The following KIN variants were observed in gnomAD, a reference collection of about 807,000 sequenced individuals.
KIN encodes Kin17 DNA and RNA binding protein.
In KIN, 47 loss-of-function variants were observed where a neutral mutation model predicts 63.0. The ratio of observed to expected loss-of-function variants is 0.75; its 90% CI spans 0.59 to 0.95. The LOEUF (loss-of-function observed/expected upper bound fraction) is 0.95, where lower values mean the gene tolerates loss of function less well. Ranked by LOEUF, KIN falls within the 40% of genes least tolerant of loss-of-function variation. The pLI is 0.00. For missense variants in KIN, 408 were observed against 460.9 expected, an observed-to-expected ratio of 0.89 and a Z score of 1.05; for synonymous variants, 160 against 157.7, an observed-to-expected ratio of 1.01 and a Z score of -0.11.
intron 6 of KIN, among the ~76,000 whole-genome samples, chr10:7,775,382 T>C (rs563498488): frequency 6.6e-6 from 1 of 152,294 alleles, no homozygotes; most frequent in African/African-American, 2.4e-5. Context: ...TTAACAAGAT[T>C]CTAGAAGAGC....
Position 7,780,177 on chromosome 10 carries a change from GC to G in KIN, c.254del (p.Gly85AlafsTer23). The G allele has an allele frequency of 2.5e-6, 4 of 1,613,054 alleles. No individual in the cohort carries two copies. The highest frequency in any genetic ancestry group is 3.4e-6 in the Non-Finnish European group (4 of 1,179,480). ...CAATGTTGTTGTGGACCCTTTTAGT[GC>G]CTGAGAACAAAATATGACACTGATG... is the stretch of plus-strand genomic sequence containing the variant. Reference protein sequence around the residue: ...DFLELLRRRFGTKRVHNNIVY... With the variant: ...DFLELLRRRFXTKRVHNNIVY... On this transcript the variant is annotated frameshift_variant and splice_region_variant, in exon 4 of 13. Transcript: ENST00000379562. LOFTEE classifies it high-confidence loss of function.
chr10:7,773,341 C>T (rs968056885), intron 7 of KIN, among the ~76,000 whole-genome samples: 9 of 152,148 alleles, frequency 5.9e-5, no homozygotes, highest in African/African-American at 1.9e-4. Context: ...CAAGGGAGGT[C>T]AATTGGGGAA....
chr10:7,763,345 C>G (rs10508334), intron 10 of KIN, among the ~76,000 whole-genome samples: 6,405 of 152,248 alleles, frequency 0.042, 280 homozygotes, highest in East Asian at 0.24. Flanking sequence ...AGACCTCTGA[C>G]AGTATAATTG....
In KIN at chr10:7,767,064, CAACA is replaced by C. The variant is rs1269137592; in HGVS notation, c.799-965_799-962del. Among the ~76,000 whole-genome samples, 12 of 151,026 alleles carry C rather than the reference CAACA, an allele frequency of 7.9e-5. No individual in the cohort carries two copies. The East Asian group carries it at 1.4e-3, about 17-fold the overall frequency. On this transcript the variant is annotated intron_variant, in intron 8 of 12. Coordinates refer to ENST00000379562, the MANE Select transcript of KIN (RefSeq NM_012311.4). ...CCTCATTTTAAATCCTTCACCTTTT[CAACA>C]AACAGTGTTCTAAAATTAGTATGCA...
Position 7,753,330 on chromosome 10 carries a change from T to C in KIN, c.*2750A>G, listed in dbSNP as rs1417668542. 1 of 152,214 alleles carries C rather than the reference T, an allele frequency of 6.6e-6. No homozygotes were observed. The highest frequency in any genetic ancestry group is 1.5e-5 in the Non-Finnish European group (1 of 68,038). 9.4% of individuals were successfully genotyped at this position (152,214 alleles called of 1,614,324 possible). ...GTGGGAGGCAGACATGAAACATTTT[T>C]TCTCTGAAGAAAACCACCAAGTTGA... On this transcript the variant is annotated 3_prime_UTR_variant, in exon 13 of 13. Transcript: ENST00000379562.
In KIN at chr10:7,768,845, C is replaced by T. The variant is rs148831695; in HGVS notation, c.798+371G>A. On this transcript the variant is annotated intron_variant, in intron 8 of 12. Transcript: ENST00000379562. ...CAGCCTGGCAAACATGGTGAAACCCCATCTCTACTAAAAATACAAAAATTA... is the reference window on the plus strand; with the variant it reads ...CAGCCTGGCAAACATGGTGAAACCCTATCTCTACTAAAAATACAAAAATTA... Among the ~76,000 whole-genome samples, 368 of 151,886 alleles carry T rather than the reference C, an allele frequency of 2.4e-3. 3 individuals are homozygous for T. The highest frequency in any genetic ancestry group is 8.5e-3 in the African/African-American group (351 of 41,424).
At position 7,775,784 on chromosome 10, in the gene KIN, T is replaced by C; in HGVS notation, c.574A>G (p.Thr192Ala). Residue 192 changes from threonine to alanine, a missense_variant, in exon 6 of 13, where the codon ACG (threonine) becomes GCG (alanine). Transcript: ENST00000379562. The part of the protein sequence containing the change: ...EGKEQEVPTF[T>A]ELSRENDEEK... The stretch of plus-strand genomic sequence containing the variant: ...TCATCATTTTCTCTGCTTAATTCCG[T>C]AAAAGTAGGGACCTCCTAAAAAAAA... 6.4e-7 allele frequency: 1 copy of C among 1,553,900 alleles called. No individual in the cohort carries two copies. The highest frequency in any genetic ancestry group is 8.7e-7 in the Non-Finnish European group (1 of 1,144,606).
At chr10:7,772,642 G>A (rs1288410005) in intron 7 of KIN, among the ~76,000 whole-genome samples, 1 of 152,094 alleles carries the variant, frequency 6.6e-6, no homozygotes, top group East Asian at 1.9e-4. Context: ...CATAATTTCA[G>A]AGAAAAAACA....
chr10:7,769,342 A>G lies in KIN; in HGVS notation c.672T>C (p.Thr224=), dbSNP rs751642694. The G allele has an allele frequency of 1.1e-5, 18 of 1,611,256 alleles. No individual in the cohort carries two copies. Among genetic ancestry groups the G allele is most frequent in the Non-Finnish European group, 1.5e-5 (18 of 1,179,228 alleles). ...TCGTCTTCAGTGCACTCGGTCCCAG[A>G]GTACTGATGAACAGGAGAACCATGC... ...SSGATSSKSS[T]LGPSALKTIG... The change falls in exon 8 of 13, where the codon ACT becomes ACC. Residue 224 remains threonine (T), a synonymous_variant. Coordinates refer to ENST00000379562, the MANE Select transcript of KIN (RefSeq NM_012311.4).
rs1836060773 is a variant in KIN, at chr10:7,787,831, A to T, written c.103T>A (p.Cys35Ser). 1 of 1,613,288 alleles carries T rather than the reference A, an allele frequency of 6.2e-7. No homozygotes were observed. The highest frequency in any genetic ancestry group is 1.3e-5 in the African/African-American group (1 of 74,910). The change falls in exon 1 of 13, where the codon TGC (cysteine) becomes AGC (serine). Residue 35 changes from cysteine (C) to serine (S), a missense_variant. Around this residue, in one of 2 missense-constraint regions of KIN, gnomAD observed 110 missense variants for 164.9 expected, o/e 0.67. Coordinates refer to ENST00000379562, the MANE Select transcript of KIN (RefSeq NM_012311.4). The stretch of plus-strand genomic sequence containing the variant: ...CCGGGCCCACTCACCTCGTCCCGGC[A>T]CTGCTTCTGGCACATCTGGCAATAC... Reference protein sequence around the residue: ...RWYCQMCQKQCRDENGFKCHC... With the variant: ...RWYCQMCQKQSRDENGFKCHC...
chr10:7,785,113 G>T (rs1835972980), intron 1 of KIN, among the ~76,000 whole-genome samples: 1 of 151,940 alleles, frequency 6.6e-6, no homozygotes, highest in African/African-American at 2.4e-5. Flanking sequence ...ATTAGGCATG[G>T]TGGCAATCAC....
intron 2 of KIN, among the ~76,000 whole-genome samples, chr10:7,781,709 G>C (rs925680022): frequency 8.2e-5 from 11 of 134,738 alleles, no homozygotes; most frequent in Non-Finnish European, 1.5e-4. Context: ...GGAGGTCAAG[G>C]TTGTAGTAAG....
At position 7,754,095 on chromosome 10, in the gene KIN, C is replaced by T. The variant is rs890720768; in HGVS notation, c.*1985G>A. 11 of 455,728 alleles carry T rather than the reference C, an allele frequency of 2.4e-5. No individual in the cohort carries two copies. Among genetic ancestry groups the T allele is most frequent in the African/African-American group, 6.0e-5 (3 of 50,006 alleles). The allele number at this position is 455,728 out of a possible 1,614,324, so 28.2% of individuals were successfully genotyped here. A position where few individuals can be genotyped will look rare whatever the true frequency, so the allele number is the denominator to read the frequency against. ...CTGTAATCACAACATTTTAGAAGGC[C>T]GAGGCAGGAGGATTGCTTGAGCTCA... is the stretch of plus-strand genomic sequence containing the variant. On this transcript the variant is annotated 3_prime_UTR_variant, in exon 13 of 13. Coordinates refer to ENST00000379562, the MANE Select transcript of KIN (RefSeq NM_012311.4).
intron 5 of KIN, among the ~76,000 whole-genome samples, chr10:7,776,733 A>AC (rs58536948): frequency 3.1e-5 from 1 of 32,572 alleles, no homozygotes; most frequent in Non-Finnish European, 8.8e-5. Flanking sequence ...ACTCTGTCTC[A>AC]AAAAAAAAAA....
chr10:7,763,543 G>A (rs569713747), intron 10 of KIN, among the ~76,000 whole-genome samples, 180 bp downstream of exon 10: 11 of 152,206 alleles, frequency 7.2e-5, no homozygotes, highest in African/African-American at 2.6e-4. Flanking sequence ...TAGAAACTAT[G>A]GATGAAAAAG....
chr10:7,765,807 C>T (rs1248404455), intron 9 of KIN, among the ~76,000 whole-genome samples: 3 of 152,108 alleles, frequency 2.0e-5, no homozygotes, highest in African/African-American at 2.4e-5. Flanking sequence ...ATTTAAGATG[C>T]CCATAAACAA....
At chr10:7,771,618 C>A (rs1189107483) in intron 7 of KIN, among the ~76,000 whole-genome samples, 1 of 152,074 alleles carries the variant, frequency 6.6e-6, no homozygotes, top group African/African-American at 2.4e-5. Context: ...CTGGGCCGGG[C>A]GCGGTGGCTC....
At chr10:7,768,677 C>A (rs924281410) in intron 8 of KIN, among the ~76,000 whole-genome samples, 2 of 152,084 alleles carry the variant, frequency 1.3e-5, no homozygotes, top group Non-Finnish European at 2.9e-5. Context: ...TTCTACTGAC[C>A]GTAACAAGCG....
At chr10:7,787,779 G>A (rs374803284) in intron 1 of KIN, 41 bp downstream of exon 1, 11 of 1,469,182 alleles carry the variant, frequency 7.5e-6, no homozygotes, top group Non-Finnish European at 5.7e-6. Context: ...GGATTGCCAG[G>A]GGCCCTCCTG....
Sources: gnomAD v4.1 joint callset for allele counts (sites outside exome capture counted in the v4.1 genomes callset) on GRCh38, gnomAD v4.1.1 for gene constraint, gnomAD v4.1.1 regional missense constraint, MANE v1.5 for transcripts, NCBI Gene and HGNC (gene_info 2026-07-23, HGNC 2026-07-21) for gene names.